Variants in ANTXR1 observed in about 807,000 individuals in gnomAD.
The protein encoded by ANTXR1 is ANTXR cell adhesion molecule 1, also known as anthrax toxin receptor 1.
In ANTXR1, 19 loss-of-function variants were observed where a neutral mutation model predicts 78.1. That is an observed-to-expected ratio of 0.24 (90% CI 0.17 to 0.36). ANTXR1 has a LOEUF of 0.36. ANTXR1 is among the 10% of genes least tolerant of loss of function. ANTXR1 has a pLI of 1.00. For missense variants in ANTXR1, 518 were observed against 718.6 expected (o/e 0.72, Z 3.19); for synonymous variants, 273 against 260.5 (o/e 1.05, Z -0.46).
intron 9 of ANTXR1, among the ~76,000 whole-genome samples, chr2:69,096,126 C>T (rs965927960): frequency 1.4e-4 from 21 of 151,590 alleles, no homozygotes; most frequent in East Asian, 1.9e-4. Flanking sequence ...GGCGTGGTGG[C>T]GGGCTCCTGT....
At chr2:69,179,289 G>A (rs1181147651) in intron 14 of ANTXR1, among the ~76,000 whole-genome samples, 3 of 152,160 alleles carry the variant, frequency 2.0e-5, no homozygotes, top group Admixed American at 2.0e-4. Context: ...GCTCACACCT[G>A]TAATCCCAGC....
rs62135618 is a variant in ANTXR1 at position 69,044,961 on chromosome 2, G to A, written c.296+148G>A. The A allele has an allele frequency of 0.04, 29,595 of 735,826 alleles. 806 individuals are homozygous for A. Among genetic ancestry groups the A allele is most frequent in the South Asian group, 0.056 (3,633 of 65,074 alleles). The allele number at this position is 735,826 out of a possible 1,614,324, so 45.6% of individuals were successfully genotyped here. The stretch of plus-strand genomic sequence containing the variant: ...CCTAAGTTTTTAACCTTACGTATGG[G>A]CACATGGGTCCTGCTGCTAGTTCAC... On this transcript the variant is annotated intron_variant, in intron 3 of 17. Coordinates refer to ENST00000303714, the MANE Select transcript of ANTXR1 (RefSeq NM_032208.3).
chr2:69,136,438 G>A (rs75230926), intron 12 of ANTXR1, among the ~76,000 whole-genome samples: 7,124 of 152,224 alleles, frequency 0.047, 194 homozygotes, highest in East Asian at 0.074. Context: ...ATATTCTGGT[G>A]CCAAATAAAA....
chr2:69,082,937 T>C (rs1166317375), intron 8 of ANTXR1, among the ~76,000 whole-genome samples: 2 of 152,216 alleles, frequency 1.3e-5, no homozygotes, highest in East Asian at 1.9e-4. Flanking sequence ...ACAACTATGT[T>C]TGCAAGGATT....
chr2:69,138,416 G>A (rs893099690), intron 12 of ANTXR1, among the ~76,000 whole-genome samples: 17 of 152,138 alleles, frequency 1.1e-4, no homozygotes, highest in African/African-American at 3.6e-4. Flanking sequence ...GAGTCATTAC[G>A]TGTATTTTCT....
intron 12 of ANTXR1, among the ~76,000 whole-genome samples, chr2:69,137,598 G>T (rs62134409): frequency 0.04 from 6,087 of 152,030 alleles, 138 homozygotes; most frequent in African/African-American, 0.044. Context: ...CTACAACAGG[G>T]TCTTTTGTAG....
chr2:69,149,054 C>T (rs1438098634), intron 12 of ANTXR1, among the ~76,000 whole-genome samples: 1 of 152,128 alleles, frequency 6.6e-6, no homozygotes. Context: ...AAAACTCATG[C>T]CCTTCATTCT....
At chr2:69,168,330 C>T (rs1673887647) in intron 13 of ANTXR1, among the ~76,000 whole-genome samples, 1 of 152,194 alleles carries the variant, frequency 6.6e-6, no homozygotes, top group Non-Finnish European at 1.5e-5. Flanking sequence ...TCAGTTTCTG[C>T]AAGGTTCATG....
At chr2:69,142,039 T>G (rs1347011793) in intron 12 of ANTXR1, among the ~76,000 whole-genome samples, 1 of 152,216 alleles carries the variant, frequency 6.6e-6, no homozygotes, top group Non-Finnish European at 1.5e-5. Flanking sequence ...TATAAATAAC[T>G]TGACATCATA....
At chr2:69,139,077 C>T (rs1672998941) in intron 12 of ANTXR1, among the ~76,000 whole-genome samples, 1 of 152,194 alleles carries the variant, frequency 6.6e-6, no homozygotes, top group Admixed American at 6.5e-5. Context: ...ATGTACTGAT[C>T]CCTAACAGAT....
chr2:69,088,839 G>C (rs1426883688), intron 8 of ANTXR1, among the ~76,000 whole-genome samples: 16 of 152,176 alleles, frequency 1.1e-4, no homozygotes, highest in Admixed American at 1.0e-3. Flanking sequence ...TCCCAAGTTA[G>C]ACTGACAATG....
chr2:69,236,778 C>A (rs928338381), intron 17 of ANTXR1, among the ~76,000 whole-genome samples: 1 of 152,304 alleles, frequency 6.6e-6, no homozygotes, highest in Non-Finnish European at 1.5e-5. Context: ...GCATTTGGTG[C>A]TTCCATGTGA....
Position 69,013,471 on chromosome 2 carries a change from C to A in ANTXR1, c.-29C>A, listed in dbSNP as rs774494991. 9 of 1,582,876 alleles carry A rather than the reference C, an allele frequency of 5.7e-6. No individual in the cohort carries two copies. The South Asian group carries it at 5.8e-5, about 10-fold the overall frequency. ...CGAGTTCGCGGAGCGTGGGAAGGAG[C>A]GGACCCTGCTCTCCCCGGGCTGCGG... is the stretch of plus-strand genomic sequence containing the variant. On this transcript the variant is annotated 5_prime_UTR_variant, in exon 1 of 18. Transcript: ENST00000303714. This position sits in a 1 kb window ranked among gnomAD's most constrained non-coding sequence, Gnocchi z 5.0.
intron 13 of ANTXR1, among the ~76,000 whole-genome samples, chr2:69,167,935 T>C (rs1399989765): frequency 2.0e-5 from 3 of 152,256 alleles, no homozygotes; most frequent in Non-Finnish European, 4.4e-5. Flanking sequence ...ATTCAATTAA[T>C]ACTTAATACA....
At chr2:69,209,151 C>A (rs1448804689) in intron 17 of ANTXR1, among the ~76,000 whole-genome samples, 1 of 152,200 alleles carries the variant, frequency 6.6e-6, no homozygotes, top group Non-Finnish European at 1.5e-5. Flanking sequence ...TCCTTTAAAA[C>A]CTTGTTCTAA....
chr2:69,016,389 T>C (rs1445453521), intron 1 of ANTXR1, among the ~76,000 whole-genome samples: 1 of 152,122 alleles, frequency 6.6e-6, no homozygotes, highest in Non-Finnish European at 1.5e-5. Context: ...TTTCATGTCC[T>C]AAAGAAAAAA....
intron 12 of ANTXR1, chr2:69,146,478 C>A: frequency 1.3e-6 from 1 of 766,058 alleles, no homozygotes. Context: ...GTTTCTCCCC[C>A]TCTGGAATCT....
chr2:69,093,916 A>T (rs1558538220), intron 9 of ANTXR1, among the ~76,000 whole-genome samples: 1 of 152,252 alleles, frequency 6.6e-6, no homozygotes, highest in Non-Finnish European at 1.5e-5. Flanking sequence ...AGCTAGAACT[A>T]GGTTTTGTAA....
intron 3 of ANTXR1, among the ~76,000 whole-genome samples, chr2:69,048,230 A>G (rs1669831369): frequency 6.6e-6 from 1 of 152,172 alleles, no homozygotes. Context: ...ATAGATGCTC[A>G]ATTTAATCAA....
Sources: allele counts gnomAD v4.1 joint callset (sites outside exome capture counted in the v4.1 genomes callset), GRCh38; gene constraint gnomAD v4.1.1; non-coding constraint Gnocchi (gnomAD v3.1); transcripts MANE v1.5; gene names NCBI Gene and HGNC (gene_info 2026-07-23, HGNC 2026-07-21).